The following TEP1 variants were observed in gnomAD, a reference collection of about 807,000 sequenced individuals.
TEP1 encodes telomerase protein component 1.
Under a neutral mutation model 306.3 loss-of-function variants are expected in TEP1, and 241 were observed. The observed-to-expected ratio is 0.79, with a 90% CI of 0.71 to 0.88. The LOEUF (loss-of-function observed/expected upper bound fraction) is 0.88. Ranked by LOEUF, TEP1 falls within the 40% of genes least tolerant of loss-of-function variation. TEP1 has a pLI of 0.00. For missense variants in TEP1, 3,051 were observed against 3,276.1 expected (o/e 0.93, Z 1.68); for synonymous variants, 1,289 against 1,305.5 (o/e 0.99, Z 0.27).
At position 20,366,311 on chromosome 14, in the gene TEP1, C is replaced by T. The variant is rs1884471573; in HGVS notation, c.*2126G>A. ...ATGGAAGAGAGACAAATAGAGCTTC[C>T]TCCTGCAATTGGCCCAAGATTTTAG... On this transcript the variant is annotated 3_prime_UTR_variant, in exon 55 of 55. Transcript: ENST00000262715. 1 of 152,212 alleles carries T rather than the reference C, an allele frequency of 6.6e-6. No individual in the cohort carries two copies. Among genetic ancestry groups the T allele is most frequent in the African/African-American group, 2.4e-5 (1 of 41,442 alleles). The allele number at this position is 152,212 out of a possible 1,614,324, so 9.4% of individuals were successfully genotyped here. A position where few individuals can be genotyped will look rare whatever the true frequency, so the allele number is the denominator to read the frequency against.
In TEP1 at chr14:20,384,084, A is replaced by G. The variant is rs1876874895; in HGVS notation, c.3488T>C (p.Leu1163Pro). The G allele has an allele frequency of 6.2e-7, 1 of 1,613,612 alleles. No homozygotes were observed. Among genetic ancestry groups the G allele is most frequent in the Non-Finnish European group, 8.5e-7 (1 of 1,179,936 alleles). The part of the protein sequence containing the change: ...VQRLMLPHGR[L>P]SLVTGQSGQG... ...TCCTGACTGCCCCGTCACCAGGCTC[A>G]GCCTTCCGTGGGGCAGCATCAGCCG... Residue 1163 changes from leucine to proline, a missense_variant, in exon 24 of 55, where the codon CTG (leucine) becomes CCG (proline). Leu to Pro is a moderately conservative substitution (Grantham distance 98, BLOSUM62 -3). Around this residue, in one of 3 missense-constraint regions of TEP1, gnomAD observed 1,507 missense variants for 1,550.5 expected, o/e 0.97. Transcript: ENST00000262715.
At chr14:20,373,957 C>A in intron 44 of TEP1, 147 bp from the exon 45 acceptor site, 1 of 1,078,334 alleles carries the variant, frequency 9.3e-7, no homozygotes, top group Non-Finnish European at 1.3e-6. Context: ...TTGGGTGGCT[C>A]AGGACAGTGG....
chr14:20,386,226 G>A, intron 19 of TEP1, 31 bp from the exon 20 acceptor site: 2 of 1,613,454 alleles, frequency 1.2e-6, no homozygotes, highest in Non-Finnish European at 1.7e-6. Context: ...ACGTGTGGGA[G>A]TCACTGGGGG....
intron 1 of TEP1, among the ~76,000 whole-genome samples, chr14:20,410,240 T>G (rs901588856): frequency 3.3e-5 from 5 of 152,058 alleles, no homozygotes; most frequent in African/African-American, 1.2e-4. Context: ...TTCTCTCCAT[T>G]CCTCCTACCA....
chr14:20,382,205 A>G lies in TEP1; in HGVS notation c.4273+19T>C. 1 of 1,613,644 alleles carries G rather than the reference A, an allele frequency of 6.2e-7. No homozygotes were observed. Among genetic ancestry groups the G allele is most frequent in the South Asian group, 1.1e-5 (1 of 91,042 alleles). ...ACCCTGGCCCTCAGCCTCCCAACCAACCCACCCCAAGCACTGACCACTCCG... is the reference window on the plus strand; with the variant it reads ...ACCCTGGCCCTCAGCCTCCCAACCAGCCCACCCCAAGCACTGACCACTCCG... On this transcript the variant is annotated intron_variant, in intron 29 of 54. Transcript: ENST00000262715.
chr14:20,391,176 C>A (rs991221462), intron 13 of TEP1, 80 bp from the exon 14 acceptor site: 3 of 1,449,112 alleles, frequency 2.1e-6, no homozygotes, highest in Non-Finnish European at 2.8e-6. Context: ...GGAGGCCAAA[C>A]CCTTCCATTG....
chr14:20,383,239 G>C lies in TEP1; in HGVS notation c.3982C>G (p.Arg1328Gly). 1 of 1,613,898 alleles carries C rather than the reference G, an allele frequency of 6.2e-7. No individual in the cohort carries two copies. Residue 1328 changes from arginine to glycine, a missense_variant, in exon 27 of 55, where the codon CGG (arginine) becomes GGG (glycine). This residue lies in a region of TEP1 where 1,540 missense variants were observed against 1,705.9 expected (regional missense o/e 0.90). Transcript: ENST00000262715. The part of the protein sequence containing the change: ...LGPLEASARA[R>G]LVREELALYG... ...AGGGCCAGCTCCTCTCTCACCAGCC[G>C]GGCCCGAGCAGAGGCCTCCAGAGGC...
Position 20,390,725 on chromosome 14 carries a change from T to C in TEP1, c.2290A>G (p.Thr764Ala). The change falls in exon 15 of 55, where the codon ACT (threonine) becomes GCT (alanine). Residue 764 changes from threonine to alanine, a missense_variant. Around this residue, in one of 3 missense-constraint regions of TEP1, gnomAD observed 1,507 missense variants for 1,550.5 expected, o/e 0.97. Transcript: ENST00000262715. ...FDENDGWSLNTFGKYLLSLAG... is the reference protein window; with the variant it reads ...FDENDGWSLNAFGKYLLSLAG... The stretch of plus-strand genomic sequence containing the variant: ...AGAGACAGCAGGTATTTCCCAAAAG[T>C]ATTCAGGGACCATCCATCATTTTCA... 3 of 1,614,178 alleles carry C rather than the reference T, an allele frequency of 1.9e-6. No homozygotes were observed. The highest frequency in any genetic ancestry group is 2.2e-5 in the East Asian group (1 of 44,890).
At chr14:20,403,283 A>G in intron 7 of TEP1, 94 bp downstream of exon 7, 1 of 1,478,064 alleles carries the variant, frequency 6.8e-7, no homozygotes, top group South Asian at 1.3e-5. Context: ...CCCCAGGAAG[A>G]AAGTATTTTC....
At chr14:20,397,203 T>G (rs1878278379) in intron 9 of TEP1, among the ~76,000 whole-genome samples, 1 of 152,192 alleles carries the variant, frequency 6.6e-6, no homozygotes, top group Non-Finnish European at 1.5e-5. Flanking sequence ...TCTAAACTTT[T>G]TAGATGGCCA....
rs368221574 is a variant in TEP1, at chr14:20,384,194, G to A, written c.3378C>T (p.Asp1126=). The A allele has an allele frequency of 1.2e-4, 190 of 1,614,192 alleles. 2 individuals carry two copies. The South Asian group carries it at 1.2e-3, about 11-fold the overall frequency. ...GGAAGGTGGCCTGGACCAAGTCATC[G>A]TCTGGGATGGACACTGGCTGCTCCA... is the stretch of plus-strand genomic sequence containing the variant. ...ALLEQPVSIP[D]DDLVQATFQQ... The change falls in exon 24 of 55, where the codon GAC becomes GAT. Residue 1126 remains aspartate (D), a synonymous_variant. Transcript: ENST00000262715.
Position 20,383,813 on chromosome 14 carries a change from G to C in TEP1, c.3640C>G (p.Leu1214Val). The part of the protein sequence containing the change: ...ARPDQGLALT[L>V]LRRLCTYLRG... The stretch of plus-strand genomic sequence containing the variant: ...AGATAGGTACAGAGGCGTCTGAGCA[G>C]AGTGAGGGCAAGACCCTGGTCAGGA... The change falls in exon 25 of 55, where the codon CTG becomes GTG. Residue 1214 changes from leucine (L) to valine (V), a missense_variant. Transcript: ENST00000262715. 4 of 1,609,704 alleles carry C rather than the reference G, an allele frequency of 2.5e-6. No individual in the cohort carries two copies. Among genetic ancestry groups the C allele is most frequent in the Non-Finnish European group, 2.5e-6 (3 of 1,179,334 alleles).
intron 42 of TEP1, 70 bp from the exon 43 acceptor site, chr14:20,375,938 G>C: frequency 2.7e-6 from 4 of 1,508,242 alleles, no homozygotes; most frequent in Non-Finnish European, 3.7e-6. Flanking sequence ...GCCATTTCAG[G>C]CAAGAAATTT....
chr14:20,381,768 C>T lies in TEP1; in HGVS notation c.4425-82G>A. On this transcript the variant is annotated intron_variant, in intron 30 of 54. Coordinates refer to ENST00000262715, the MANE Select transcript of TEP1 (RefSeq NM_007110.5). This position sits in a 1 kb window ranked among gnomAD's most constrained non-coding sequence, Gnocchi z 4.0. ...CTGGCACACAGTGGGCTCCTATTCCCCCCTCAAATAGCGGAAACTGGAGCA... is the reference window on the plus strand; with the variant it reads ...CTGGCACACAGTGGGCTCCTATTCCTCCCTCAAATAGCGGAAACTGGAGCA... 2.6e-6 allele frequency: 4 copies of T among 1,533,444 alleles called. No homozygotes were observed. In the South Asian group the frequency reaches 3.9e-5, roughly 15 times the overall value. The allele number at this position is 1,533,444 out of a possible 1,614,324, so 95.0% of individuals were successfully genotyped here.
At chr14:20,393,477 G>A (rs1019570575) in intron 12 of TEP1, among the ~76,000 whole-genome samples, 7 of 152,152 alleles carry the variant, frequency 4.6e-5, no homozygotes, top group African/African-American at 1.7e-4. Flanking sequence ...AAAATAAATT[G>A]GTGAAATTAA....
rs146669383 is a variant in TEP1, at chr14:20,381,012, A to C, written c.4681T>G (p.Phe1561Val). ...QSGNRGLLSK[F>V]LTNLHVVAAH... The stretch of plus-strand genomic sequence containing the variant: ...GCCACCACATGGAGGTTGGTAAGGA[A>C]CTTCGAAAGAAGTCCACGGTTCCCG... The change falls in exon 33 of 55, where the codon TTC becomes GTC. Residue 1561 changes from phenylalanine to valine, a missense_variant. Coordinates refer to ENST00000262715, the MANE Select transcript of TEP1 (RefSeq NM_007110.5). This position sits in a 1 kb window ranked among gnomAD's most constrained non-coding sequence, Gnocchi z 4.0. 61 of 1,614,154 alleles carry C rather than the reference A, an allele frequency of 3.8e-5. No individual in the cohort carries two copies. In the African/African-American group the frequency reaches 7.3e-4, roughly 19 times the overall value.
At chr14:20,377,036 T>G (rs887179857) in intron 41 of TEP1, among the ~76,000 whole-genome samples, 9 of 151,660 alleles carry the variant, frequency 5.9e-5, no homozygotes, top group African/African-American at 1.9e-4. Flanking sequence ...ACCAACATGG[T>G]GAAACCCCAT....
chr14:20,410,940 GC>G (rs1213447281), intron 1 of TEP1, among the ~76,000 whole-genome samples: 1 of 150,924 alleles, frequency 6.6e-6, no homozygotes, highest in African/African-American at 2.4e-5. Context: ...TCCTGCCTCA[GC>G]CCCCCAAGTA....
chr14:20,368,715 T>A, intron 54 of TEP1, 83 bp downstream of exon 54: 1 of 1,537,980 alleles, frequency 6.5e-7, no homozygotes, highest in East Asian at 2.3e-5. Context: ...TTTCTTACTC[T>A]AAGTTTGCTG....
Sources: gnomAD v4.1 joint callset for allele counts (sites outside exome capture counted in the v4.1 genomes callset) on GRCh38, gnomAD v4.1.1 for gene constraint, gnomAD v4.1.1 regional missense constraint, Gnocchi (gnomAD v3.1) non-coding constraint, MANE v1.5 for transcripts, NCBI Gene and HGNC (gene_info 2026-07-23, HGNC 2026-07-21) for gene names.